Variants in COP1 observed in about 807,000 individuals in gnomAD.
COP1 encodes COP1 E3 ubiquitin ligase, also known as E3 ubiquitin-protein ligase COP1.
A neutral mutation model predicts 101.3 loss-of-function variants in COP1; 24 were observed. That is an observed-to-expected ratio of 0.24 (90% CI 0.17 to 0.33). The LOEUF is 0.33. Ranked by LOEUF, COP1 falls within the 10% of genes least tolerant of loss-of-function variation. COP1 has a pLI of 1.00. For missense variants in COP1, 663 were observed against 906.2 expected, an observed-to-expected ratio of 0.73 and a Z score of 3.45; for synonymous variants, 347 against 341.9, an observed-to-expected ratio of 1.01 and a Z score of -0.17.
At position 175,972,461 on chromosome 1, in the gene COP1, ATTTTTTTT is replaced by A. The variant is rs35491036; in HGVS notation, c.2133+14474_2133+14481del. On this transcript the variant is annotated intron_variant, in intron 18 of 19. Coordinates refer to ENST00000367669, the MANE Select transcript of COP1 (RefSeq NM_022457.7). ...GAGCAGCAATATACAAAATACAAGA[ATTTTTTTT>A]TTTTTTTTTTTTTTGAGACAGAGTC... 8.9e-3 allele frequency among the ~76,000 whole-genome samples: 1,157 copies of A among 129,998 alleles called. 6 individuals are homozygous for A. Among genetic ancestry groups the A allele is most frequent in the Non-Finnish European group, 0.016 (955 of 60,808 alleles). 85.3% of individuals were successfully genotyped at this position (129,998 alleles called of 152,430 possible).
chr1:175,978,559 T>C (rs1655091635), intron 18 of COP1, among the ~76,000 whole-genome samples: 1 of 152,128 alleles, frequency 6.6e-6, no homozygotes, highest in Non-Finnish European at 1.5e-5. Flanking sequence ...CCCCACTCTA[T>C]TCTGGATACT....
rs550885484 is a variant in COP1 at position 176,051,282 on chromosome 1, A to G, written c.1278-4958T>C. On this transcript the variant is annotated intron_variant, in intron 11 of 19. Coordinates refer to ENST00000367669, the MANE Select transcript of COP1 (RefSeq NM_022457.7). Reference sequence around the variant, plus strand: ...GGATACTAACATAGCTGCTGAAAAAACCAAGATGTTAAAAAAAACACATTA... The same window carrying G: ...GGATACTAACATAGCTGCTGAAAAAGCCAAGATGTTAAAAAAAACACATTA... 3.3e-5 allele frequency among the ~76,000 whole-genome samples: 5 copies of G among 152,308 alleles called. 1 individual carries two copies. Among genetic ancestry groups the G allele is most frequent in the African/African-American group, 1.2e-4 (5 of 41,566 alleles).
intron 11 of COP1, among the ~76,000 whole-genome samples, chr1:176,076,140 G>A (rs1677959977): frequency 6.6e-6 from 1 of 151,612 alleles, no homozygotes; most frequent in Non-Finnish European, 1.5e-5. Context: ...TTGACACAGA[G>A]TACTACACCC....
chr1:176,185,232 T>C (rs1347249639), intron 1 of COP1, among the ~76,000 whole-genome samples: 1 of 152,186 alleles, frequency 6.6e-6, no homozygotes, highest in African/African-American at 2.4e-5. Flanking sequence ...ATATATTGAC[T>C]CATTTAATAG....
chr1:176,161,133 T>C (rs902409273), intron 5 of COP1, among the ~76,000 whole-genome samples: 11 of 152,232 alleles, frequency 7.2e-5, no homozygotes, highest in Admixed American at 6.5e-5. Flanking sequence ...GATCTACTTA[T>C]CTGTTACCTT....
chr1:175,962,148 G>A (rs1467615543), intron 18 of COP1, among the ~76,000 whole-genome samples: 5 of 152,114 alleles, frequency 3.3e-5, no homozygotes, highest in Non-Finnish European at 7.4e-5. Context: ...ATCAGAATAT[G>A]CCATCCCAAA....
chr1:176,160,204 C>T, intron 5 of COP1: 1 of 343,250 alleles, frequency 2.9e-6, no homozygotes, highest in Non-Finnish European at 5.6e-6. Flanking sequence ...GTTACCAGTT[C>T]TCACTTTCAC....
chr1:176,057,469 C>T (rs927544522), intron 11 of COP1, among the ~76,000 whole-genome samples: 4 of 152,154 alleles, frequency 2.6e-5, no homozygotes, highest in Admixed American at 2.0e-4. Flanking sequence ...CGAGTGCCTG[C>T]GATTGCAGGC....
chr1:176,107,468 T>C (rs534981635), intron 9 of COP1, among the ~76,000 whole-genome samples: 23 of 152,248 alleles, frequency 1.5e-4, no homozygotes, highest in Admixed American at 8.5e-4. Flanking sequence ...CAGAAGTCAG[T>C]ATGAAGGAGC....
chr1:176,004,836 G>A (rs951326182), intron 15 of COP1, among the ~76,000 whole-genome samples: 4 of 151,298 alleles, frequency 2.6e-5, no homozygotes, highest in East Asian at 2.0e-4. Flanking sequence ...GTCTCTGCCC[G>A]GCTTTGGTGT....
At chr1:176,165,587 C>T (rs965955412) in intron 3 of COP1, among the ~76,000 whole-genome samples, 4 of 151,888 alleles carry the variant, frequency 2.6e-5, no homozygotes, top group African/African-American at 7.3e-5. Context: ...CTCAGCTACT[C>T]GGGAGGCTTA....
intron 9 of COP1, among the ~76,000 whole-genome samples, chr1:176,088,100 G>T (rs1010665236): frequency 2.6e-5 from 4 of 152,102 alleles, no homozygotes; most frequent in Non-Finnish European, 5.9e-5. Context: ...ACCAGGGTCT[G>T]TCATGGGGTG....
intron 1 of COP1, 52 bp downstream of exon 1, chr1:176,206,520 G>A (rs1277780762): frequency 8.3e-6 from 13 of 1,570,576 alleles, no homozygotes; most frequent in African/African-American, 1.4e-5. Context: ...CCAAGCCTAA[G>A]CGGCAGAAAC....
At chr1:176,000,804 A>T (rs1449621734) in intron 15 of COP1, among the ~76,000 whole-genome samples, 5 of 151,442 alleles carry the variant, frequency 3.3e-5, no homozygotes, top group Non-Finnish European at 5.9e-5. Flanking sequence ...GATATTTTCT[A>T]GTGTATCATT....
intron 8 of COP1, among the ~76,000 whole-genome samples, chr1:176,130,956 A>G (rs1688782276): frequency 6.6e-6 from 1 of 151,920 alleles, no homozygotes; most frequent in African/African-American, 2.4e-5. Context: ...GGGAAATGGC[A>G]TCTGAAAAAA....
At position 175,964,389 on chromosome 1, in the gene COP1, A is replaced by G. The variant is rs1176417180; in HGVS notation, c.2134-17150T>C. Among the ~76,000 whole-genome samples, 47 of 150,646 alleles carry G rather than the reference A, an allele frequency of 3.1e-4. No homozygotes were observed. In the Admixed American group the frequency reaches 3.1e-3, roughly 10 times the overall value. On this transcript the variant is annotated intron_variant, in intron 18 of 19. Coordinates refer to ENST00000367669, the MANE Select transcript of COP1 (RefSeq NM_022457.7). Reference sequence around the variant, plus strand: ...TTTTCTCCCCTAAAACAACTTCATGACAAAGGAAGGTAAGTTCCTTGAAAA... The same window carrying G: ...TTTTCTCCCCTAAAACAACTTCATGGCAAAGGAAGGTAAGTTCCTTGAAAA...
chr1:176,008,660 C>T (rs568586662), intron 15 of COP1, among the ~76,000 whole-genome samples: 1 of 152,120 alleles, frequency 6.6e-6, no homozygotes, highest in South Asian at 2.1e-4. Flanking sequence ...AAAGCAGACA[C>T]TTTGGAAAAT....
rs1435034916 is a variant in COP1, at chr1:176,002,162, T to G, written c.1730-12683A>C. Among the ~76,000 whole-genome samples the G allele has an allele frequency of 1.3e-5, 2 of 152,110 alleles. 1 individual carries two copies. ...TTGCAAAAATACTGGCCATCATTTC[T>G]ACAAATATTTTCTACCTCTTTCTCT... is the stretch of plus-strand genomic sequence containing the variant. On this transcript the variant is annotated intron_variant, in intron 15 of 19. Coordinates refer to ENST00000367669, the MANE Select transcript of COP1 (RefSeq NM_022457.7).
At chr1:176,028,301 A>C (rs1668029190) in intron 14 of COP1, among the ~76,000 whole-genome samples, 1 of 152,108 alleles carries the variant, frequency 6.6e-6, no homozygotes, top group Admixed American at 6.6e-5. Flanking sequence ...ACAGTGGCTC[A>C]TGACTGTAAT....
Sources: allele counts gnomAD v4.1 joint callset (sites outside exome capture counted in the v4.1 genomes callset), GRCh38; gene constraint gnomAD v4.1.1; transcripts MANE v1.5; gene names NCBI Gene and HGNC (gene_info 2026-07-23, HGNC 2026-07-21).